GRIP1: variants seen among roughly 807,000 people sequenced by gnomAD.
The protein encoded by GRIP1 is glutamate receptor-interacting protein 1.
Under a neutral mutation model 129.9 loss-of-function variants are expected in GRIP1, and 45 were observed. The ratio of observed to expected loss-of-function variants is 0.35; its 90% CI spans 0.27 to 0.44. GRIP1 has a LOEUF of 0.44. Among genes scored for constraint, GRIP1 ranks in the 20% least tolerant of loss-of-function variants. The pLI, the probability that GRIP1 is intolerant of heterozygous loss-of-function variation, is 1.00. For synonymous variants in GRIP1, 530 were observed against 520.8 expected (o/e 1.02, Z -0.24); for missense variants, 1,196 against 1,396.8 (o/e 0.86, Z 2.29).
At chr12:66,851,128 G>C (rs1190974085) in intron 1 of GRIP1, among the ~76,000 whole-genome samples, 1 of 151,390 alleles carries the variant, frequency 6.6e-6, no homozygotes, top group East Asian at 1.9e-4. Context: ...ATTTTCTTGA[G>C]AACAAAGGAT....
At chr12:66,997,178 A>G (rs1275341456) in intron 1 of GRIP1, among the ~76,000 whole-genome samples, 1 of 152,168 alleles carries the variant, frequency 6.6e-6, no homozygotes, top group East Asian at 1.9e-4. Flanking sequence ...TTAATACAAA[A>G]TTACAAAATC....
intron 7 of GRIP1, among the ~76,000 whole-genome samples, chr12:66,485,180 T>C (rs2059918256): frequency 6.6e-6 from 1 of 152,216 alleles, no homozygotes; most frequent in Non-Finnish European, 1.5e-5. Flanking sequence ...TCTATATGTT[T>C]ACCACCTCTT....
chr12:66,636,171 G>A (rs1049171033), intron 1 of GRIP1, among the ~76,000 whole-genome samples: 4 of 152,172 alleles, frequency 2.6e-5, no homozygotes, highest in Admixed American at 2.0e-4. Context: ...GGCAAATACT[G>A]TATGGTTCCA....
intron 13 of GRIP1, among the ~76,000 whole-genome samples, 180 bp from the exon 14 acceptor site, chr12:66,432,808 C>T (rs1409924380): frequency 6.6e-6 from 1 of 152,160 alleles, no homozygotes; most frequent in Non-Finnish European, 1.5e-5. Context: ...AATACACTTC[C>T]TATCCACAGG....
chr12:66,868,875 G>A (rs1469463152), intron 1 of GRIP1, among the ~76,000 whole-genome samples: 2 of 152,036 alleles, frequency 1.3e-5, no homozygotes, highest in African/African-American at 2.4e-5. Flanking sequence ...CGAAACATGA[G>A]GACAAAATGT....
At chr12:66,571,429 T>C (rs761257389) in intron 2 of GRIP1, among the ~76,000 whole-genome samples, 4 of 152,210 alleles carry the variant, frequency 2.6e-5, no homozygotes, top group Non-Finnish European at 5.9e-5. Flanking sequence ...CATATTTTTC[T>C]CATATCTGAA....
intron 1 of GRIP1, among the ~76,000 whole-genome samples, chr12:66,838,714 A>T (rs1272997228): frequency 6.6e-6 from 1 of 152,196 alleles, no homozygotes; most frequent in Non-Finnish European, 1.5e-5. Context: ...AGGTGAGTTG[A>T]TTCAGGTAAT....
intron 1 of GRIP1, among the ~76,000 whole-genome samples, chr12:66,876,586 G>A (rs1444111147): frequency 6.6e-6 from 1 of 152,050 alleles, no homozygotes; most frequent in Non-Finnish European, 1.5e-5. Flanking sequence ...CTGTCATGCA[G>A]CTCATGAGCT....
intron 1 of GRIP1, among the ~76,000 whole-genome samples, chr12:66,687,297 C>A (rs1016214800): frequency 3.3e-5 from 5 of 152,172 alleles, no homozygotes; most frequent in Admixed American, 6.5e-5. Context: ...AATTAGGTGA[C>A]AAATACTAAC....
intron 5 of GRIP1, among the ~76,000 whole-genome samples, chr12:66,526,617 G>A (rs2061249935): frequency 1.3e-5 from 2 of 152,014 alleles, no homozygotes; most frequent in Non-Finnish European, 2.9e-5. Context: ...ACATAGGCAT[G>A]GGCAAGGACT....
intron 1 of GRIP1, among the ~76,000 whole-genome samples, chr12:66,763,097 T>C (rs895224289): frequency 2.6e-5 from 4 of 152,170 alleles, no homozygotes; most frequent in Non-Finnish European, 5.9e-5. Flanking sequence ...TAAAGAATTA[T>C]AATTTTTATA....
chr12:66,719,777 CAAG>C (rs2036003108), intron 1 of GRIP1, among the ~76,000 whole-genome samples: 2 of 152,174 alleles, frequency 1.3e-5, no homozygotes, highest in Middle Eastern at 3.4e-3. Context: ...GGCAGTGATG[CAAG>C]AATTAAACAA....
intron 1 of GRIP1, among the ~76,000 whole-genome samples, chr12:66,957,884 G>T (rs2870923): frequency 0.54 from 81,528 of 151,866 alleles, 21,891 homozygotes; most frequent in East Asian, 0.58. Context: ...GAGATTTATA[G>T]TCCATCTCCT....
intron 2 of GRIP1, among the ~76,000 whole-genome samples, chr12:66,591,906 T>C (rs2063861000): frequency 6.6e-6 from 1 of 152,132 alleles, no homozygotes; most frequent in Non-Finnish European, 1.5e-5. Flanking sequence ...ATTATAGGTG[T>C]AAGCCACTGT....
chr12:66,373,619 G>A (rs1262268416), intron 22 of GRIP1, among the ~76,000 whole-genome samples: 5 of 152,218 alleles, frequency 3.3e-5, no homozygotes, highest in African/African-American at 4.8e-5. Flanking sequence ...CAACAGCCAA[G>A]TGTTGGCACA....
intron 1 of GRIP1, among the ~76,000 whole-genome samples, chr12:67,011,993 A>G (rs1444519989): frequency 6.6e-6 from 1 of 152,192 alleles, no homozygotes; most frequent in Admixed American, 6.5e-5. Context: ...AGATCTCTGT[A>G]CTAGACTCTA....
chr12:66,817,535 G>A (rs372308793), intron 1 of GRIP1, among the ~76,000 whole-genome samples: 2 of 151,880 alleles, frequency 1.3e-5, no homozygotes, highest in African/African-American at 2.4e-5. Context: ...TCAGCCTCCC[G>A]AGTAGCTGGG....
At chr12:66,601,960 C>A (rs1377889386) in intron 1 of GRIP1, among the ~76,000 whole-genome samples, 2 of 152,178 alleles carry the variant, frequency 1.3e-5, no homozygotes, top group African/African-American at 4.8e-5. Context: ...ACATTTGAGA[C>A]TAGAACATGG....
chr12:66,366,108 T>C (rs1168525896), intron 23 of GRIP1, among the ~76,000 whole-genome samples: 3 of 152,216 alleles, frequency 2.0e-5, no homozygotes, highest in African/African-American at 7.2e-5. Context: ...ATTCAATGTG[T>C]TGTTTTTAGC....
Sources: gnomAD v4.1 joint callset for allele counts (sites outside exome capture counted in the v4.1 genomes callset) on GRCh38, gnomAD v4.1.1 for gene constraint, MANE v1.5 for transcripts, NCBI Gene and HGNC (gene_info 2026-07-23, HGNC 2026-07-21) for gene names.